TEKT1: variants seen among roughly 807,000 people sequenced by gnomAD.
TEKT1 encodes the protein tektin-1.
A neutral mutation model predicts 34.8 loss-of-function variants in TEKT1; 32 were observed. The observed-to-expected ratio is 0.92, with a 90% CI of 0.69 to 1.23. The LOEUF is 1.23. Among genes scored for constraint, TEKT1 ranks in the 50% most tolerant of loss-of-function variants. The pLI, the probability that TEKT1 is intolerant of heterozygous loss-of-function variation, is 0.00. For synonymous variants in TEKT1, 207 were observed against 199.8 expected (o/e 1.04, Z -0.30); for missense variants, 492 against 518.5 (o/e 0.95, Z 0.50).
At chr17:6,815,430 C>T (rs878876892) in intron 4 of TEKT1, 124 bp from the exon 5 acceptor site, 1 of 1,108,820 alleles carries the variant, frequency 9.0e-7, no homozygotes, top group Non-Finnish European at 1.4e-6. Context: ...TACTGCCCCC[C>T]ACCCATCACC....
chr17:6,823,664 T>C (rs1904321037), intron 2 of TEKT1, among the ~76,000 whole-genome samples: 1 of 152,118 alleles, frequency 6.6e-6, no homozygotes. Flanking sequence ...CTGTGTACCC[T>C]CCACTATCCT....
chr17:6,824,376 G>T (rs1018717357), intron 2 of TEKT1, among the ~76,000 whole-genome samples: 1 of 152,002 alleles, frequency 6.6e-6, no homozygotes, highest in African/African-American at 2.4e-5. Flanking sequence ...TCTTCCTCAG[G>T]CTTGGCCCTG....
At chr17:6,814,650 A>G (rs1188875332) in intron 5 of TEKT1, among the ~76,000 whole-genome samples, 1 of 152,152 alleles carries the variant, frequency 6.6e-6, no homozygotes, top group Non-Finnish European at 1.5e-5. Context: ...CATCCTGGCT[A>G]ACTTGGTGAA....
chr17:6,803,575 G>C (rs547231524), intron 6 of TEKT1, among the ~76,000 whole-genome samples: 41 of 152,270 alleles, frequency 2.7e-4, no homozygotes, highest in Non-Finnish European at 4.4e-4. Context: ...TTTTCTTCTA[G>C]GGTTTTTATG....
intron 6 of TEKT1, among the ~76,000 whole-genome samples, chr17:6,808,441 T>C (rs1976879495): frequency 6.6e-6 from 1 of 152,124 alleles, no homozygotes; most frequent in Admixed American, 6.5e-5. Context: ...TCACCGTGCT[T>C]CGGCTTATGC....
chr17:6,815,639 T>C (rs776689089), intron 4 of TEKT1, among the ~76,000 whole-genome samples, 195 bp downstream of exon 4: 41 of 152,140 alleles, frequency 2.7e-4, no homozygotes, highest in Admixed American at 1.0e-3. Context: ...AGCCCCACCC[T>C]TACCAGAGGG....
chr17:6,800,683 T>G (rs1320801995), intron 7 of TEKT1, 64 bp downstream of exon 7: 13 of 1,528,436 alleles, frequency 8.5e-6, no homozygotes, highest in Non-Finnish European at 9.8e-6. Flanking sequence ...CTATCTAGCC[T>G]CTGCTTGATA....
Sources: allele counts gnomAD v4.1 joint callset (sites outside exome capture counted in the v4.1 genomes callset), GRCh38; gene constraint gnomAD v4.1.1; transcripts MANE v1.5; gene names NCBI Gene and HGNC (gene_info 2026-07-23, HGNC 2026-07-21).